The following ABI2 variants were observed in gnomAD, a reference collection of about 807,000 sequenced individuals.
The protein encoded by ABI2 is abl interactor 2.
In ABI2, 25 loss-of-function variants were observed where a neutral mutation model predicts 59.2. The observed-to-expected ratio is 0.42, with a 90% confidence interval of 0.31 to 0.59. ABI2 has a LOEUF of 0.59. Ranked by LOEUF, ABI2 falls within the 20% of genes least tolerant of loss-of-function variation. The probability of loss-of-function intolerance (pLI) is 0.14; values close to 1 mark genes in which losing one functional copy is unlikely to be tolerated. For synonymous variants in ABI2, 213 were observed against 235.5 expected (o/e 0.90, Z 0.87); for missense variants, 545 against 681.8 (o/e 0.80, Z 2.23).
At chr2:203,389,641 A>G (rs2096663925) in intron 4 of ABI2, among the ~76,000 whole-genome samples, 1 of 152,210 alleles carries the variant, frequency 6.6e-6, no homozygotes, top group African/African-American at 2.4e-5. Context: ...CTCTAGCCAT[A>G]TTATTTTTAG....
intron 2 of ABI2, among the ~76,000 whole-genome samples, chr2:203,371,231 AC>A (rs1487087352): frequency 2.6e-5 from 4 of 152,140 alleles, no homozygotes; most frequent in South Asian, 2.1e-4. Context: ...ACTGGTCTCA[AC>A]CCTCTATTAC....
rs544450863 is a variant in ABI2, at chr2:203,390,766, A to G, written c.481-280A>G. Among the ~76,000 whole-genome samples the G allele has an allele frequency of 2.6e-5, 4 of 152,354 alleles. No homozygotes were observed. The East Asian group carries it at 7.7e-4, about 29-fold the overall frequency. ...TAATTTTAATTGAATGTAATATCAAATAATCTAACCAGTGATCTGTTGGTG... is the reference window on the plus strand; with the variant it reads ...TAATTTTAATTGAATGTAATATCAAGTAATCTAACCAGTGATCTGTTGGTG... On this transcript the variant is annotated intron_variant, in intron 4 of 11. Coordinates refer to ENST00000261018, the MANE Select transcript of ABI2 (RefSeq NM_001375670.1).
intron 1 of ABI2, among the ~76,000 whole-genome samples, chr2:203,346,343 T>C (rs1576218915): frequency 6.6e-6 from 1 of 150,482 alleles, no homozygotes; most frequent in South Asian, 2.1e-4. Flanking sequence ...AGACTATGTT[T>C]GTTTGTTTGT....
At chr2:203,332,176 G>C (rs190809119) in intron 1 of ABI2, among the ~76,000 whole-genome samples, 7 of 152,172 alleles carry the variant, frequency 4.6e-5, no homozygotes, top group Admixed American at 1.3e-4. Flanking sequence ...AAATGGGATA[G>C]TCAATATTTT....
chr2:203,422,853 G>T (rs148486007), intron 11 of ABI2, among the ~76,000 whole-genome samples: 1 of 152,162 alleles, frequency 6.6e-6, no homozygotes, highest in Admixed American at 6.5e-5. Context: ...TTCATTGATA[G>T]TGTCCAGGTT....
intron 4 of ABI2, among the ~76,000 whole-genome samples, chr2:203,382,469 A>T (rs1249166434): frequency 6.6e-6 from 1 of 152,200 alleles, no homozygotes. Context: ...TATTTGTTGA[A>T]TGAATGGTTA....
chr2:203,360,982 A>G (rs1249387166), intron 1 of ABI2, among the ~76,000 whole-genome samples: 1 of 152,224 alleles, frequency 6.6e-6, no homozygotes, highest in Non-Finnish European at 1.5e-5. Context: ...AGAGTAATAC[A>G]TTACTGAGGA....
chr2:203,332,335 T>C (rs1184758912), intron 1 of ABI2, among the ~76,000 whole-genome samples: 9 of 151,912 alleles, frequency 5.9e-5, no homozygotes, highest in African/African-American at 2.2e-4. Context: ...TTTATTAATA[T>C]ACACACCTAG....
chr2:203,426,076 T>A (rs976595895), intron 11 of ABI2, among the ~76,000 whole-genome samples: 1 of 151,966 alleles, frequency 6.6e-6, no homozygotes, highest in South Asian at 2.1e-4. Context: ...TGGAAAATAT[T>A]CACAATTTAA....
intron 11 of ABI2, among the ~76,000 whole-genome samples, chr2:203,421,237 G>C (rs989752647): frequency 6.6e-6 from 1 of 152,118 alleles, no homozygotes; most frequent in African/African-American, 2.4e-5. Flanking sequence ...TGAAGCAAGG[G>C]ATAATGGCCT....
At chr2:203,372,457 C>T (rs1193853191) in intron 2 of ABI2, among the ~76,000 whole-genome samples, 7 of 152,176 alleles carry the variant, frequency 4.6e-5, no homozygotes, top group Non-Finnish European at 7.4e-5. Context: ...ACCTCCCAGA[C>T]GGGGTGGTGG....
At chr2:203,343,484 G>A (rs769446560) in intron 1 of ABI2, among the ~76,000 whole-genome samples, 10 of 152,036 alleles carry the variant, frequency 6.6e-5, no homozygotes, top group Non-Finnish European at 1.0e-4. Context: ...AGTGATTAAA[G>A]ATAGAATTTC....
In ABI2 at chr2:203,411,269, T is replaced by A; in HGVS notation, c.1193-16T>A. ...GCCCTTATCCCTTATCCTCCACACCTTTTTTGTTTTTGCAGTATCTCTTGC... is the reference window on the plus strand; with the variant it reads ...GCCCTTATCCCTTATCCTCCACACCATTTTTGTTTTTGCAGTATCTCTTGC... On this transcript the variant is annotated splice_polypyrimidine_tract_variant and intron_variant, in intron 9 of 11. Transcript: ENST00000261018. 4 of 1,600,176 alleles carry A rather than the reference T, an allele frequency of 2.5e-6. No homozygotes were observed. The South Asian group carries it at 4.4e-5, about 18-fold the overall frequency.
At chr2:203,400,053 C>T (rs2097156787) in intron 8 of ABI2, among the ~76,000 whole-genome samples, 2 of 140,218 alleles carry the variant, frequency 1.4e-5, no homozygotes, top group East Asian at 4.2e-4. Flanking sequence ...AATGGTAAAT[C>T]GACTCATTAA....
rs559648954 is a variant in ABI2, at chr2:203,401,286, C to T, written c.1034-1290C>T. ...CTGCTATCCTCTTGCCCTCCTCCAC[C>T]TTCATCTCCTCCTCCTCTACCTTCC... is the stretch of plus-strand genomic sequence containing the variant. On this transcript the variant is annotated intron_variant, in intron 8 of 11. Coordinates refer to ENST00000261018, the MANE Select transcript of ABI2 (RefSeq NM_001375670.1). Among the ~76,000 whole-genome samples, 61 of 151,974 alleles carry T rather than the reference C, an allele frequency of 4.0e-4. 2 individuals carry two copies. In the South Asian group the frequency reaches 0.012, roughly 31 times the overall value.
At chr2:203,392,308 CCACCACCAACAACAACAACAA>C (rs750893514) in intron 5 of ABI2, among the ~76,000 whole-genome samples, 150 of 106,524 alleles carry the variant, frequency 1.4e-3, no homozygotes, top group Non-Finnish European at 1.9e-3. Context: ...ACCACCACCA[CCACCACCAACAACAACAACAA>C]CAACAACAAC....
rs1209892126 is a variant in ABI2 at position 203,430,218 on chromosome 2, T to C, written c.*2866T>C. Reference sequence around the variant, plus strand: ...TAAGTTTCCCTCTTTTTTTATAAATTAAAAGATGGTTGGTATTAGGAATTT... The same window carrying C: ...TAAGTTTCCCTCTTTTTTTATAAATCAAAAGATGGTTGGTATTAGGAATTT... On this transcript the variant is annotated 3_prime_UTR_variant, in exon 12 of 12. Coordinates refer to ENST00000261018, the MANE Select transcript of ABI2 (RefSeq NM_001375670.1). The C allele has an allele frequency of 6.6e-6, 1 of 152,124 alleles. No individual in the cohort carries two copies. Among genetic ancestry groups the C allele is most frequent in the Non-Finnish European group, 1.5e-5 (1 of 68,024 alleles). The allele number at this position is 152,124 out of a possible 1,614,324, so 9.4% of individuals were successfully genotyped here. A position where few individuals can be genotyped will look rare whatever the true frequency, so the allele number is the denominator to read the frequency against.
chr2:203,353,567 C>T (rs2090199126), intron 1 of ABI2, among the ~76,000 whole-genome samples: 1 of 152,192 alleles, frequency 6.6e-6, no homozygotes, highest in African/African-American at 2.4e-5. Context: ...GCAACCTCTG[C>T]CTCCCGGGCT....
In ABI2 at chr2:203,425,082, G is replaced by C. The variant is rs1008282881; in HGVS notation, c.1454-2095G>C. On this transcript the variant is annotated intron_variant, in intron 11 of 11. Coordinates refer to ENST00000261018, the MANE Select transcript of ABI2 (RefSeq NM_001375670.1). ...GGTAGAGATGGGGTTTTGCCATGTT[G>C]CTTAGGCTGGCAATTTCTACATTTT... is the stretch of plus-strand genomic sequence containing the variant. Among the ~76,000 whole-genome samples, 73 of 132,000 alleles carry C rather than the reference G, an allele frequency of 5.5e-4. 1 individual carries two copies. In the Admixed American group the frequency reaches 5.7e-3, roughly 10 times the overall value. The allele number at this position is 132,000 out of a possible 152,430, so 86.6% of individuals were successfully genotyped here.
Sources: gnomAD v4.1 joint callset for allele counts (sites outside exome capture counted in the v4.1 genomes callset) on GRCh38, gnomAD v4.1.1 for gene constraint, MANE v1.5 for transcripts, NCBI Gene and HGNC (gene_info 2026-07-23, HGNC 2026-07-21) for gene names.